The following PLCH1 variants were observed in gnomAD, a reference collection of about 807,000 sequenced individuals.
PLCH1 encodes the protein phospholipase C eta 1, also known as 1-phosphatidylinositol 4,5-bisphosphate phosphodiesterase eta-1.
In PLCH1, 60 loss-of-function variants were observed where a neutral mutation model predicts 126.7. The ratio of observed to expected loss-of-function variants is 0.47; its 90% confidence interval spans 0.38 to 0.59. The LOEUF (loss-of-function observed/expected upper bound fraction) is 0.59. Among genes scored for constraint, PLCH1 ranks in the 20% least tolerant of loss-of-function variants. The probability of loss-of-function intolerance (pLI) is 0.00; values close to 1 mark genes in which losing one functional copy is unlikely to be tolerated. For synonymous variants in PLCH1, 719 were observed against 734.9 expected (o/e 0.98, Z 0.35); for missense variants, 1,723 against 2,040.0 (o/e 0.84, Z 2.99).
chr3:155,486,292 C>A, intron 21 of PLCH1: 1 of 774,376 alleles, frequency 1.3e-6, no homozygotes, highest in Non-Finnish European at 2.1e-6. Flanking sequence ...AGAAAAAATG[C>A]ATACATGTCT....
intron 12 of PLCH1, among the ~76,000 whole-genome samples, chr3:155,512,668 G>A (rs1418105543): frequency 6.6e-6 from 1 of 152,188 alleles, no homozygotes; most frequent in East Asian, 1.9e-4. Context: ...AGGTGTGCAC[G>A]TGTGGACTCC....
At position 155,554,178 on chromosome 3, in the gene PLCH1, G is replaced by A; in HGVS notation, c.1088C>T (p.Pro363Leu). Residue 363 changes from proline (P) to leucine (L), a missense_variant, in exon 9 of 23, where the codon CCA becomes CTA. Pro to Leu is a moderately conservative substitution (Grantham distance 98). Around this residue, in one of 2 missense-constraint regions of PLCH1, gnomAD observed 776 missense variants for 1,062.9 expected, o/e 0.73. Transcript: ENST00000460012. ...ATGATGTACTACTGGCTCTCCATCT[G>A]GGCCATCCCAACAGTCAACTGCCAA... ...RCVEVDCWDGPDGEPVVHHGY... is the reference protein window; with the variant it reads ...RCVEVDCWDGLDGEPVVHHGY... 6.2e-7 allele frequency: 1 copy of A among 1,613,348 alleles called. No individual in the cohort carries two copies. Among genetic ancestry groups the A allele is most frequent in the Non-Finnish European group, 8.5e-7 (1 of 1,179,586 alleles).
chr3:155,505,215 C>G (rs1718479638), intron 12 of PLCH1, among the ~76,000 whole-genome samples: 2 of 152,100 alleles, frequency 1.3e-5, no homozygotes, highest in African/African-American at 4.8e-5. Context: ...AAATAATTCC[C>G]TCTGTGATGA....
Position 155,726,767 on chromosome 3 carries a change from C to T in PLCH1, c.-41+18073G>A, listed in dbSNP as rs543677103. 5.0e-4 allele frequency among the ~76,000 whole-genome samples: 76 copies of T among 150,710 alleles called. 1 individual carries two copies. The highest frequency in any genetic ancestry group is 3.4e-3 in the Middle Eastern group (1 of 292). On this transcript the variant is annotated intron_variant, in intron 1 of 22. Transcript: ENST00000460012. ...CTGGAGTGCAGTGGTGTGATCTTGG[C>T]TCACTGCAACCTCTGCCTCCCAGGT...
At chr3:155,574,183 G>A (rs766847402) in intron 6 of PLCH1, among the ~76,000 whole-genome samples, 8 of 152,178 alleles carry the variant, frequency 5.3e-5, no homozygotes, top group Non-Finnish European at 1.2e-4. Context: ...CCAAAGTACT[G>A]GGATTACAGG....
chr3:155,519,639 C>A (rs1206570690), intron 11 of PLCH1, among the ~76,000 whole-genome samples: 1 of 151,698 alleles, frequency 6.6e-6, no homozygotes, highest in African/African-American at 2.4e-5. Context: ...CCAGGCCATG[C>A]CCCAGACCCA....
intron 21 of PLCH1, among the ~76,000 whole-genome samples, chr3:155,465,108 CAA>C (rs150847303): frequency 3.2e-4 from 21 of 65,764 alleles, no homozygotes; most frequent in African/African-American, 4.4e-4. Flanking sequence ...GACTCTGTCT[CAA>C]AAAAAAAAAA....
At chr3:155,700,871 C>T (rs1746221763) in intron 2 of PLCH1, among the ~76,000 whole-genome samples, 1 of 152,150 alleles carries the variant, frequency 6.6e-6, no homozygotes, top group Non-Finnish European at 1.5e-5. Flanking sequence ...GTTCATACCG[C>T]ACCAAACATT....
intron 6 of PLCH1, 101 bp downstream of exon 6, chr3:155,583,371 C>T (rs1730953473): frequency 1.1e-6 from 1 of 936,688 alleles, no homozygotes; most frequent in Non-Finnish European, 1.6e-6. Context: ...TATTTACCAC[C>T]TTTGCAAAAT....
At chr3:155,587,830 G>T (rs1429542790) in intron 4 of PLCH1, among the ~76,000 whole-genome samples, 2 of 152,186 alleles carry the variant, frequency 1.3e-5, no homozygotes, top group Non-Finnish European at 2.9e-5. Context: ...TTTTCAAATG[G>T]ATGATTCATA....
intron 1 of PLCH1, among the ~76,000 whole-genome samples, chr3:155,722,888 T>C (rs923635249): frequency 2.0e-5 from 3 of 152,216 alleles, no homozygotes; most frequent in East Asian, 1.9e-4. Context: ...ATGGTGTCAA[T>C]AGGATTGGTG....
At chr3:155,657,220 G>A (rs1741503601) in intron 2 of PLCH1, among the ~76,000 whole-genome samples, 1 of 152,160 alleles carries the variant, frequency 6.6e-6, no homozygotes, top group Non-Finnish European at 1.5e-5. Flanking sequence ...TTGGAGTCAA[G>A]CAATGAAGAA....
chr3:155,731,845 T>C (rs1748792943), intron 1 of PLCH1, among the ~76,000 whole-genome samples: 1 of 151,954 alleles, frequency 6.6e-6, no homozygotes. Context: ...TAGCCAAGCA[T>C]GGCGGCACAC....
intron 2 of PLCH1, among the ~76,000 whole-genome samples, chr3:155,699,648 G>T (rs1285813313): frequency 6.6e-6 from 1 of 152,090 alleles, no homozygotes; most frequent in Non-Finnish European, 1.5e-5. Flanking sequence ...CATTCTCCTT[G>T]CATATTTTCC....
At chr3:155,734,982 T>C (rs1749062663) in intron 1 of PLCH1, among the ~76,000 whole-genome samples, 1 of 152,116 alleles carries the variant, frequency 6.6e-6, no homozygotes, top group African/African-American at 2.4e-5. Flanking sequence ...GTGCTGGGAT[T>C]ACAGGCGTGA....
intron 21 of PLCH1, among the ~76,000 whole-genome samples, chr3:155,470,426 T>C (rs1414455632): frequency 1.3e-5 from 2 of 151,856 alleles, no homozygotes; most frequent in Non-Finnish European, 2.9e-5. Flanking sequence ...TGGGACTATG[T>C]GAAAAGACCA....
chr3:155,608,359 T>C (rs1734611811), intron 2 of PLCH1, among the ~76,000 whole-genome samples: 2 of 152,176 alleles, frequency 1.3e-5, no homozygotes, highest in Non-Finnish European at 2.9e-5. Context: ...GCAGGAGCCA[T>C]GGCTGACAGT....
rs1474887656 is a variant in PLCH1 at position 155,482,300 on chromosome 3, G to A, written c.3726C>T (p.Ser1242=). ...HGFCKGKSKS[S]FLCSSPELIA... ...TCAGCTCCGGAGATGAGCACAGGAAGGAAGACTTGGATTTTCCCTTGCAAA... is the reference window on the plus strand; with the variant it reads ...TCAGCTCCGGAGATGAGCACAGGAAAGAAGACTTGGATTTTCCCTTGCAAA... Residue 1242 remains serine, a synonymous_variant, in exon 23 of 23, where the codon TCC becomes TCT. Coordinates refer to ENST00000460012, the MANE Select transcript of PLCH1 (RefSeq NM_014996.4). 1.2e-6 allele frequency: 2 copies of A among 1,614,164 alleles called. No homozygotes were observed. The highest frequency in any genetic ancestry group is 3.3e-5 in the Admixed American group (2 of 60,016).
At chr3:155,729,882 G>T (rs899162518) in intron 1 of PLCH1, among the ~76,000 whole-genome samples, 7 of 146,258 alleles carry the variant, frequency 4.8e-5, no homozygotes, top group Non-Finnish European at 1.0e-4. Context: ...AAGAGATCAT[G>T]CCACTGTACT....
Sources: allele counts gnomAD v4.1 joint callset (sites outside exome capture counted in the v4.1 genomes callset), GRCh38; gene constraint gnomAD v4.1.1; regional missense constraint gnomAD v4.1.1; transcripts MANE v1.5; gene names NCBI Gene and HGNC (gene_info 2026-07-23, HGNC 2026-07-21).